Variants in OR8G1 observed in about 807,000 individuals in gnomAD.
The protein encoded by OR8G1 is olfactory receptor family 8 subfamily G member 1.
For synonymous variants in OR8G1, 129 were observed against 133.3 expected, an observed-to-expected ratio of 0.97 and a Z score of 0.22; for missense variants, 372 against 356.2, an observed-to-expected ratio of 1.04 and a Z score of -0.36.
At chr11:124,246,153 A>C (rs1401181516) in intron 1 of OR8G1, among the ~76,000 whole-genome samples, 2 of 151,922 alleles carry the variant, frequency 1.3e-5, no homozygotes, top group African/African-American at 4.8e-5. Flanking sequence ...TTTTATGTCT[A>C]ACATTCAAGT....
At position 124,249,876 on chromosome 11, in the gene OR8G1, C is replaced by T; in HGVS notation, c.201C>T (p.Ser67=). The T allele has an allele frequency of 1.9e-6, 3 of 1,614,064 alleles. No homozygotes were observed. Among genetic ancestry groups the T allele is most frequent in the East Asian group, 2.2e-5 (1 of 44,874 alleles). The part of the protein sequence containing the change: ...TPMYYFLSSL[S]FIDFCHSTVI... ...TGTACTATTTCCTCAGCAGTCTGTC[C>T]TTCATTGACTTCTGCCATTCCACTG... Residue 67 remains serine (S), a synonymous_variant, in exon 3 of 3, where the codon TCC becomes TCT. Transcript: ENST00000641972.
intron 1 of OR8G1, among the ~76,000 whole-genome samples, chr11:124,242,784 T>C (rs575348150): frequency 6.6e-6 from 1 of 152,188 alleles, no homozygotes; most frequent in South Asian, 2.1e-4. Flanking sequence ...ACATAAAGAA[T>C]TAATCATTTA....
intron 2 of OR8G1, 55 bp from the exon 3 acceptor site, chr11:124,249,604 TA>T: frequency 6.8e-7 from 1 of 1,479,506 alleles, no homozygotes. Flanking sequence ...TGAAGAATAA[TA>T]AAGTCCCTCC....
Position 124,250,381 on chromosome 11 carries a change from A to C in OR8G1, c.706A>C (p.Lys236Gln). ...LHIRSTEGRSKAFSTCSSHML... is the reference protein window; with the variant it reads ...LHIRSTEGRSQAFSTCSSHML... The stretch of plus-strand genomic sequence containing the variant: ...CATTCGCTCCACTGAGGGCAGGTCC[A>C]AAGCCTTCAGCACTTGTAGCTCCCA... The change falls in exon 3 of 3, where the codon AAA (lysine) becomes CAA (glutamine). Residue 236 changes from lysine (K) to glutamine (Q), a missense_variant. By Grantham distance (53) the Lys-to-Gln change is moderately conservative. Coordinates refer to ENST00000641972, the MANE Select transcript of OR8G1 (RefSeq NM_001002905.2). The C allele has an allele frequency of 6.2e-7, 1 of 1,613,812 alleles. No individual in the cohort carries two copies. Among genetic ancestry groups the C allele is most frequent in the Admixed American group, 1.7e-5 (1 of 59,966 alleles).
chr11:124,250,386 C>A lies in OR8G1; in HGVS notation c.711C>A (p.Ala237=). 5 of 1,613,774 alleles carry A rather than the reference C, an allele frequency of 3.1e-6. No individual in the cohort carries two copies. Among genetic ancestry groups the A allele is most frequent in the Non-Finnish European group, 4.2e-6 (5 of 1,179,810 alleles). Residue 237 remains alanine, a synonymous_variant, in exon 3 of 3, where the codon GCC becomes GCA. Transcript: ENST00000641972. ...GCTCCACTGAGGGCAGGTCCAAAGC[C>A]TTCAGCACTTGTAGCTCCCACATGT... The part of the protein sequence containing the change: ...HIRSTEGRSK[A]FSTCSSHMLA...
chr11:124,251,486 T>A lies in OR8G1; in HGVS notation c.*875T>A. On this transcript the variant is annotated 3_prime_UTR_variant, in exon 3 of 3. Transcript: ENST00000641972. Reference sequence around the variant, plus strand: ...GTTCTTCAAGAATCTATAATATAACTGGTAACATTCTGACCTATTCTATGC... The same window carrying A: ...GTTCTTCAAGAATCTATAATATAACAGGTAACATTCTGACCTATTCTATGC... 1.5e-6 allele frequency: 1 copy of A among 652,070 alleles called. No individual in the cohort carries two copies. The highest frequency in any genetic ancestry group is 2.4e-6 in the Non-Finnish European group (1 of 422,116). 40.4% of individuals were successfully genotyped at this position (652,070 alleles called of 1,614,324 possible).
chr11:124,246,197 G>T (rs570967114), intron 1 of OR8G1, among the ~76,000 whole-genome samples: 5 of 151,950 alleles, frequency 3.3e-5, no homozygotes, highest in Non-Finnish European at 5.9e-5. Context: ...TTTGTATAAG[G>T]TGTAAGGGAG....
chr11:124,248,644 G>T (rs1861835048), intron 2 of OR8G1, among the ~76,000 whole-genome samples: 1 of 151,828 alleles, frequency 6.6e-6, no homozygotes, highest in South Asian at 2.1e-4. Flanking sequence ...CCTGATCATA[G>T]TTTAACAGAA....
chr11:124,246,521 A>C (rs1315097849), intron 1 of OR8G1, among the ~76,000 whole-genome samples: 1 of 151,862 alleles, frequency 6.6e-6, no homozygotes, highest in African/African-American at 2.4e-5. Flanking sequence ...GGTTAAATCC[A>C]AGGATTGAAC....
intron 1 of OR8G1, among the ~76,000 whole-genome samples, chr11:124,243,034 A>G (rs908357265): frequency 5.3e-5 from 8 of 151,648 alleles, no homozygotes; most frequent in African/African-American, 1.7e-4. Flanking sequence ...AATTCCATAG[A>G]ACTCTTCCCA....
intron 1 of OR8G1, among the ~76,000 whole-genome samples, chr11:124,241,720 A>G (rs1480346675): frequency 6.6e-6 from 1 of 152,148 alleles, no homozygotes; most frequent in Admixed American, 6.6e-5. Context: ...TATTTACCAG[A>G]CATCAGAAAG....
At chr11:124,248,452 A>G (rs77517923) in intron 2 of OR8G1, among the ~76,000 whole-genome samples, 6,886 of 151,842 alleles carry the variant, frequency 0.045, 211 homozygotes, top group South Asian at 0.13. Context: ...TTAAAATCTC[A>G]AAGAATTTCT....
At chr11:124,248,761 T>A (rs10893189) in intron 2 of OR8G1, among the ~76,000 whole-genome samples, 77,612 of 151,822 alleles carry the variant, frequency 0.51, 20,479 homozygotes, top group South Asian at 0.7. Context: ...GGAGGTATTT[T>A]TATCTGTTTC....
chr11:124,243,972 G>T (rs574214983), intron 1 of OR8G1, among the ~76,000 whole-genome samples: 1 of 150,762 alleles, frequency 6.6e-6, no homozygotes, highest in African/African-American at 2.4e-5. Context: ...GAGAGAATGA[G>T]GAAAGGATGG....
At chr11:124,248,171 T>C (rs184817073) in intron 2 of OR8G1, among the ~76,000 whole-genome samples, 1 of 152,018 alleles carries the variant, frequency 6.6e-6, no homozygotes, top group African/African-American at 2.4e-5. Flanking sequence ...TTGTAAGGAA[T>C]TTGTTCGGAT....
Position 124,252,724 on chromosome 11 carries a change from A to G in OR8G1, c.*2113A>G, listed in dbSNP as rs1861876528. On this transcript the variant is annotated 3_prime_UTR_variant, in exon 3 of 3. Transcript: ENST00000641972. ...TGAGGCACATTTATTAGCTGTGTGCAAGCTGAGAGTTAACTTGCATTGAAG... is the reference window on the plus strand; with the variant it reads ...TGAGGCACATTTATTAGCTGTGTGCGAGCTGAGAGTTAACTTGCATTGAAG... The G allele has an allele frequency of 6.6e-6, 1 of 152,180 alleles. No individual in the cohort carries two copies. The highest frequency in any genetic ancestry group is 2.4e-5 in the African/African-American group (1 of 41,454). The allele number at this position is 152,180 out of a possible 1,614,324, so 9.4% of individuals were successfully genotyped here. A position where few individuals can be genotyped will look rare whatever the true frequency, so the allele number is the denominator to read the frequency against.
In OR8G1 at chr11:124,249,901, G is replaced by C. The variant is rs1861848447; in HGVS notation, c.226G>C (p.Val76Leu). 2 of 1,613,966 alleles carry C rather than the reference G, an allele frequency of 1.2e-6. No homozygotes were observed. Among genetic ancestry groups the C allele is most frequent in the African/African-American group, 1.3e-5 (1 of 75,004 alleles). Residue 76 changes from valine (V) to leucine (L), a missense_variant, in exon 3 of 3, where the codon GTC (valine) becomes CTC (leucine). Coordinates refer to ENST00000641972, the MANE Select transcript of OR8G1 (RefSeq NM_001002905.2). Reference sequence around the variant, plus strand: ...CTTCATTGACTTCTGCCATTCCACTGTCATTACCCCTAAGATGCTGGTGAA... The same window carrying C: ...CTTCATTGACTTCTGCCATTCCACTCTCATTACCCCTAAGATGCTGGTGAA... ...LSFIDFCHSTVITPKMLVNFV... is the reference protein window; with the variant it reads ...LSFIDFCHSTLITPKMLVNFV...
rs1054273373 is a variant in OR8G1, at chr11:124,251,460, G to A, written c.*849G>A. 5.1e-6 allele frequency: 4 copies of A among 790,626 alleles called. 1 individual carries two copies. The highest frequency in any genetic ancestry group is 7.4e-6 in the Non-Finnish European group (4 of 538,462). 49.0% of individuals were successfully genotyped at this position (790,626 alleles called of 1,614,324 possible). A position where few individuals can be genotyped will look rare whatever the true frequency, so the allele number is the denominator to read the frequency against. ...AAGTTGATTAAAATTTACTTTAGAA[G>A]GTTCTTCAAGAATCTATAATATAAC... On this transcript the variant is annotated 3_prime_UTR_variant, in exon 3 of 3. Transcript: ENST00000641972.
intron 2 of OR8G1, 49 bp from the exon 3 acceptor site, chr11:124,249,611 C>T: frequency 6.7e-7 from 1 of 1,492,616 alleles, no homozygotes. Context: ...TAATAAAGTC[C>T]CTCCCACAAC....
Sources: allele counts gnomAD v4.1 joint callset (sites outside exome capture counted in the v4.1 genomes callset), GRCh38; gene constraint gnomAD v4.1.1; transcripts MANE v1.5; gene names NCBI Gene and HGNC (gene_info 2026-07-23, HGNC 2026-07-21).